Variants in FAF1 observed in about 807,000 individuals in gnomAD.
The protein encoded by FAF1 is FAS-associated factor 1.
A neutral mutation model predicts 92.5 loss-of-function variants in FAF1; 25 were observed. The observed-to-expected ratio is 0.27, with a 90% confidence interval of 0.20 to 0.38. The LOEUF is 0.38. FAF1 is among the 10% of genes least tolerant of loss of function. The pLI is 1.00. For synonymous variants in FAF1, 234 were observed against 273.2 expected, an observed-to-expected ratio of 0.86 and a Z score of 1.42; for missense variants, 636 against 793.3, an observed-to-expected ratio of 0.80 and a Z score of 2.38.
intron 4 of FAF1, among the ~76,000 whole-genome samples, chr1:50,766,609 C>A (rs1660579960): frequency 6.6e-6 from 1 of 151,926 alleles, no homozygotes; most frequent in South Asian, 2.1e-4. Context: ...GACAAAGATG[C>A]TGGACCAAAG....
At chr1:50,783,694 C>T (rs1328598569) in intron 4 of FAF1, among the ~76,000 whole-genome samples, 1 of 151,868 alleles carries the variant, frequency 6.6e-6, no homozygotes, top group Non-Finnish European at 1.5e-5. Flanking sequence ...GCCAACATGA[C>T]GAAACCCCAT....
chr1:50,938,525 T>C (rs1347897684), intron 1 of FAF1, among the ~76,000 whole-genome samples: 13 of 152,190 alleles, frequency 8.5e-5, no homozygotes, highest in South Asian at 4.1e-4. Context: ...ATTCTGTAGG[T>C]TGTCTGTTTA....
At chr1:50,610,202 G>A (rs966019699) in intron 8 of FAF1, among the ~76,000 whole-genome samples, 6 of 152,090 alleles carry the variant, frequency 3.9e-5, no homozygotes, top group Non-Finnish European at 7.4e-5. Flanking sequence ...TCAAATATAT[G>A]TATTACCTGT....
chr1:50,816,572 T>C (rs1643978570), intron 2 of FAF1, among the ~76,000 whole-genome samples: 1 of 152,206 alleles, frequency 6.6e-6, no homozygotes, highest in Admixed American at 6.5e-5. Context: ...TTGTAAATCC[T>C]GGATATTAGG....
intron 7 of FAF1, among the ~76,000 whole-genome samples, chr1:50,684,856 C>A (rs994878587): frequency 1.2e-4 from 19 of 152,112 alleles, no homozygotes; most frequent in Non-Finnish European, 8.8e-5. Context: ...TTAAAAAATT[C>A]TGTATAGAGA....
intron 18 of FAF1, among the ~76,000 whole-genome samples, chr1:50,442,982 A>G (rs562783798): frequency 6.6e-6 from 1 of 152,302 alleles, no homozygotes; most frequent in South Asian, 2.1e-4. Context: ...CTTCCAATGC[A>G]CTGAGGGGCA....
At chr1:50,775,770 A>G (rs1660935377) in intron 4 of FAF1, among the ~76,000 whole-genome samples, 1 of 152,140 alleles carries the variant, frequency 6.6e-6, no homozygotes, top group Non-Finnish European at 1.5e-5. Context: ...AAAAAAAAGG[A>G]GAGATTCAGT....
chr1:50,669,059 CT>C (rs1460372414), intron 7 of FAF1, among the ~76,000 whole-genome samples: 1 of 152,108 alleles, frequency 6.6e-6, no homozygotes, highest in East Asian at 1.9e-4. Flanking sequence ...CAGTATACCC[CT>C]ATTCATTATT....
chr1:50,466,787 C>G (rs1646502048), intron 18 of FAF1, among the ~76,000 whole-genome samples: 1 of 152,164 alleles, frequency 6.6e-6, no homozygotes, highest in African/African-American at 2.4e-5. Context: ...TCAGCCTTTT[C>G]TCAGGACTTT....
chr1:50,928,174 C>G (rs1201919304), intron 1 of FAF1, among the ~76,000 whole-genome samples: 1 of 151,848 alleles, frequency 6.6e-6, no homozygotes, highest in African/African-American at 2.4e-5. Flanking sequence ...TGCACTTTTA[C>G]TGCATGCTCT....
At chr1:50,815,187 G>A (rs1173315055) in intron 2 of FAF1, among the ~76,000 whole-genome samples, 2 of 152,046 alleles carry the variant, frequency 1.3e-5, no homozygotes, top group Admixed American at 6.6e-5. Context: ...ATCCCAGGTC[G>A]TGAGCAGAGT....
intron 1 of FAF1, among the ~76,000 whole-genome samples, chr1:50,931,760 C>T (rs1645048719): frequency 6.6e-6 from 1 of 151,784 alleles, no homozygotes; most frequent in Non-Finnish European, 1.5e-5. Flanking sequence ...GCCTGTAGTC[C>T]CAGCTACTCA....
At chr1:50,862,627 A>AAT (rs1328459692) in intron 1 of FAF1, among the ~76,000 whole-genome samples, 1 of 151,906 alleles carries the variant, frequency 6.6e-6, no homozygotes, top group African/African-American at 2.4e-5. Flanking sequence ...TCACCAACCA[A>AAT]ATATCTGCTG....
At chr1:50,866,009 G>A (rs1344044769) in intron 1 of FAF1, among the ~76,000 whole-genome samples, 1 of 152,028 alleles carries the variant, frequency 6.6e-6, no homozygotes, top group Non-Finnish European at 1.5e-5. Context: ...CCATGATCAA[G>A]TGAGTTTGAT....
At chr1:50,618,609 G>C (rs1242178436) in intron 8 of FAF1, among the ~76,000 whole-genome samples, 2 of 151,894 alleles carry the variant, frequency 1.3e-5, no homozygotes, top group African/African-American at 4.8e-5. Context: ...GAATCTGGGT[G>C]CTCCAATGCT....
intron 9 of FAF1, among the ~76,000 whole-genome samples, chr1:50,585,792 A>G (rs1651197805): frequency 6.6e-6 from 1 of 152,006 alleles, no homozygotes; most frequent in Non-Finnish European, 1.5e-5. Flanking sequence ...CTAATATAAC[A>G]TAAATATTTT....
chr1:50,880,163 T>G (rs1386502457), intron 1 of FAF1, among the ~76,000 whole-genome samples: 1 of 152,164 alleles, frequency 6.6e-6, no homozygotes, highest in Non-Finnish European at 1.5e-5. Context: ...TATCCAGTAG[T>G]GTCTAAGGAG....
At chr1:50,701,968 G>C (rs370370327) in intron 7 of FAF1, among the ~76,000 whole-genome samples, 1 of 152,028 alleles carries the variant, frequency 6.6e-6, no homozygotes, top group African/African-American at 2.4e-5. Context: ...CATGCTTCTT[G>C]TTGTAACAGA....
chr1:50,756,890 C>T (rs1043476966), intron 4 of FAF1, among the ~76,000 whole-genome samples: 1 of 152,216 alleles, frequency 6.6e-6, no homozygotes, highest in African/African-American at 2.4e-5. Context: ...AATTACCTCC[C>T]ATCAGGTCCC....
Sources: allele counts gnomAD v4.1 joint callset (sites outside exome capture counted in the v4.1 genomes callset), GRCh38; gene constraint gnomAD v4.1.1; transcripts MANE v1.5; gene names NCBI Gene and HGNC (gene_info 2026-07-23, HGNC 2026-07-21).